The following ARHGAP44 variants were observed in gnomAD, a reference collection of about 807,000 sequenced individuals.
ARHGAP44 encodes the protein Rho GTPase activating protein 44, also known as rho GTPase-activating protein 44.
A neutral mutation model predicts 106.8 loss-of-function variants in ARHGAP44; 43 were observed. The ratio of observed to expected loss-of-function variants is 0.40; its 90% CI spans 0.32 to 0.52. The LOEUF is 0.52. Among genes scored for constraint, ARHGAP44 ranks in the 20% least tolerant of loss-of-function variants. The pLI, the probability that ARHGAP44 is intolerant of heterozygous loss-of-function variation, is 0.48. For synonymous variants in ARHGAP44, 439 were observed against 410.3 expected, an observed-to-expected ratio of 1.07 and a Z score of -0.85; for missense variants, 866 against 1,050.5, an observed-to-expected ratio of 0.82 and a Z score of 2.43.
At chr17:12,897,774 G>C (rs1194436411) in intron 3 of ARHGAP44, among the ~76,000 whole-genome samples, 1 of 141,988 alleles carries the variant, frequency 7.0e-6, no homozygotes, top group African/African-American at 2.6e-5. Context: ...CCAAAGTACA[G>C]TATGTTTTGG....
chr17:12,869,433 A>T (rs34887776), intron 1 of ARHGAP44, among the ~76,000 whole-genome samples: 136,819 of 152,144 alleles, frequency 0.9, 61,651 homozygotes, highest in Non-Finnish European at 0.92. Flanking sequence ...TGTCATTTTT[A>T]AATTTTTTTT....
In ARHGAP44 at chr17:12,944,743, C is replaced by A. The variant is rs61611104; in HGVS notation, c.861+547C>A. ...TGACCTTGTGATCCACCTGCCATGG[C>A]CTCCCAAAGTGCTGGGATTACAGGC... On this transcript the variant is annotated intron_variant, in intron 10 of 20. Coordinates refer to ENST00000379672, the MANE Select transcript of ARHGAP44 (RefSeq NM_014859.6). 9.1e-3 allele frequency among the ~76,000 whole-genome samples: 1,379 copies of A among 151,814 alleles called. 11 individuals are homozygous for A. The highest frequency in any genetic ancestry group is 0.031 in the African/African-American group (1,303 of 41,398).
chr17:12,867,010 A>T (rs2036254961), intron 1 of ARHGAP44, among the ~76,000 whole-genome samples: 1 of 152,062 alleles, frequency 6.6e-6, no homozygotes, highest in Admixed American at 6.6e-5. Context: ...ATCCTTATCC[A>T]AAGTGGCATA....
At chr17:12,814,585 A>G (rs1463695772) in intron 1 of ARHGAP44, among the ~76,000 whole-genome samples, 1 of 152,092 alleles carries the variant, frequency 6.6e-6, no homozygotes, top group Non-Finnish European at 1.5e-5. Context: ...GCAGATATAG[A>G]TTAATTCTTT....
At position 12,915,880 on chromosome 17, in the gene ARHGAP44, C is replaced by T. The variant is rs1329969653; in HGVS notation, c.276-20C>T. ...TTGTCTTCAAGAGTATTCACTATTT[C>T]TTTCCCCCTTGGATTACAGGAAGAT... On this transcript the variant is annotated intron_variant, in intron 4 of 20. Coordinates refer to ENST00000379672, the MANE Select transcript of ARHGAP44 (RefSeq NM_014859.6). 2.5e-6 allele frequency: 4 copies of T among 1,606,060 alleles called. No homozygotes were observed. Among genetic ancestry groups the T allele is most frequent in the Non-Finnish European group, 3.4e-6 (4 of 1,173,852 alleles).
At chr17:12,931,544 T>C (rs1159740468) in intron 7 of ARHGAP44, among the ~76,000 whole-genome samples, 2 of 152,060 alleles carry the variant, frequency 1.3e-5, no homozygotes, top group East Asian at 3.9e-4. Context: ...TCACCCAGGC[T>C]GGAGTGCAGT....
rs745761247 is a variant in ARHGAP44, at chr17:12,990,034, C to A, written c.2320C>A (p.Leu774Ile). Residue 774 changes from leucine to isoleucine, a missense_variant and splice_region_variant, in exon 21 of 21, where the codon CTT becomes ATT. Physicochemically the swap from Leu to Ile is conservative, Grantham distance 5. Coordinates refer to ENST00000379672, the MANE Select transcript of ARHGAP44 (RefSeq NM_014859.6). ...MSPGESMSTD[L>I]VHFDIPSIHI... ...CCTCTCTCTCTGCCGCCTTCCAGAT[C>A]TTGTCCACTTTGATATTCCCTCGAT... 9 of 1,600,936 alleles carry A rather than the reference C, an allele frequency of 5.6e-6. No individual in the cohort carries two copies. The South Asian group carries it at 9.9e-5, about 18-fold the overall frequency.
At chr17:12,927,548 C>G (rs980475484) in intron 6 of ARHGAP44, among the ~76,000 whole-genome samples, 2 of 152,170 alleles carry the variant, frequency 1.3e-5, no homozygotes, top group Admixed American at 1.3e-4. Context: ...TGCTGTTAGC[C>G]TGCATGGTTT....
intron 7 of ARHGAP44, among the ~76,000 whole-genome samples, chr17:12,938,580 A>G (rs1278636563): frequency 1.7e-5 from 2 of 120,804 alleles, no homozygotes; most frequent in East Asian, 5.1e-4. Context: ...TTAGCTATAT[A>G]TTAAAAAAAA....
At chr17:12,846,444 A>T (rs1192289966) in intron 1 of ARHGAP44, among the ~76,000 whole-genome samples, 1 of 152,202 alleles carries the variant, frequency 6.6e-6, no homozygotes, top group Non-Finnish European at 1.5e-5. Context: ...CATGCTGTAC[A>T]TACTTATACT....
intron 16 of ARHGAP44, among the ~76,000 whole-genome samples, chr17:12,972,276 T>A (rs944526623): frequency 6.6e-6 from 1 of 152,176 alleles, no homozygotes; most frequent in Non-Finnish European, 1.5e-5. Flanking sequence ...AATGAAACCT[T>A]GGCTGAGATG....
intron 1 of ARHGAP44, among the ~76,000 whole-genome samples, chr17:12,853,084 G>T (rs75444851): frequency 0.055 from 8,443 of 152,214 alleles, 268 homozygotes; most frequent in East Asian, 0.13. Context: ...TAGGCTGTCT[G>T]CAAGCTAAGG....
chr17:12,851,116 T>G (rs1480595198), intron 1 of ARHGAP44, among the ~76,000 whole-genome samples: 4 of 152,180 alleles, frequency 2.6e-5, no homozygotes, highest in Non-Finnish European at 5.9e-5. Flanking sequence ...TGGAACAGCT[T>G]TGTCAGCATC....
In ARHGAP44 at chr17:12,868,701, G is replaced by C. The variant is rs77083948; in HGVS notation, c.54-26239G>C. On this transcript the variant is annotated intron_variant, in intron 1 of 20. Transcript: ENST00000379672. Reference sequence around the variant, plus strand: ...AGACGGAGTTTTGCTCTGTCACCTAGAGCTGGAGTGCAATGGCGCGATCTT... The same window carrying C: ...AGACGGAGTTTTGCTCTGTCACCTACAGCTGGAGTGCAATGGCGCGATCTT... 2.6e-3 allele frequency among the ~76,000 whole-genome samples: 385 copies of C among 145,478 alleles called. 9 individuals are homozygous for C. The South Asian group carries it at 0.043, about 16-fold the overall frequency.
chr17:12,945,815 C>A (rs1015931491), intron 10 of ARHGAP44, among the ~76,000 whole-genome samples: 1 of 152,164 alleles, frequency 6.6e-6, no homozygotes, highest in Non-Finnish European at 1.5e-5. Flanking sequence ...GAGACAGGGT[C>A]TTGCTCTGTT....
chr17:12,840,447 C>G (rs951617613), intron 1 of ARHGAP44, among the ~76,000 whole-genome samples: 1 of 152,204 alleles, frequency 6.6e-6, no homozygotes, highest in South Asian at 2.1e-4. Context: ...TTGTTTGCCA[C>G]TAGTTGGCCA....
At chr17:12,908,807 AC>A in intron 3 of ARHGAP44, 89 bp from the exon 4 acceptor site, 1 of 1,004,054 alleles carries the variant, frequency 1.0e-6, no homozygotes, top group Non-Finnish European at 1.5e-6. Flanking sequence ...TTAATATAAT[AC>A]CTTGGCAAGT....
intron 16 of ARHGAP44, among the ~76,000 whole-genome samples, chr17:12,968,397 G>A (rs2039442977): frequency 6.6e-6 from 1 of 152,226 alleles, no homozygotes; most frequent in Non-Finnish European, 1.5e-5. Context: ...TAAGCAGGAA[G>A]TGCTGTGACC....
intron 1 of ARHGAP44, among the ~76,000 whole-genome samples, chr17:12,851,502 T>C (rs1047761614): frequency 1.3e-5 from 2 of 152,160 alleles, no homozygotes; most frequent in Admixed American, 1.3e-4. Context: ...AGTTTTGCTC[T>C]TGTTGCCCAG....
Sources: gnomAD v4.1 joint callset for allele counts (sites outside exome capture counted in the v4.1 genomes callset) on GRCh38, gnomAD v4.1.1 for gene constraint, MANE v1.5 for transcripts, NCBI Gene and HGNC (gene_info 2026-07-23, HGNC 2026-07-21) for gene names.